The following TANC1 variants were observed in gnomAD, a reference collection of about 807,000 sequenced individuals.
The protein encoded by TANC1 is protein TANC1.
In TANC1, 77 loss-of-function variants were observed where a neutral mutation model predicts 149.7. The observed-to-expected ratio is 0.51, with a 90% CI of 0.43 to 0.62. TANC1 has a LOEUF of 0.62. Ranked by LOEUF, TANC1 falls within the 20% of genes least tolerant of loss-of-function variation. TANC1 has a pLI of 0.00. For missense variants in TANC1, 1,985 were observed against 2,321.8 expected, an observed-to-expected ratio of 0.85 and a Z score of 2.98; for synonymous variants, 854 against 925.0, an observed-to-expected ratio of 0.92 and a Z score of 1.39.
chr2:159,026,618 G>A (rs1045425238), intron 2 of TANC1, among the ~76,000 whole-genome samples: 32 of 152,306 alleles, frequency 2.1e-4, no homozygotes, highest in Middle Eastern at 3.4e-3. Context: ...CCTTCTTGCT[G>A]GTAGGGACTC....
At chr2:159,192,198 A>C (rs2057496259) in intron 16 of TANC1, among the ~76,000 whole-genome samples, 1 of 152,216 alleles carries the variant, frequency 6.6e-6, no homozygotes, top group Non-Finnish European at 1.5e-5. Context: ...GCGGACAATC[A>C]TGGCACATGT....
At chr2:159,094,788 G>A (rs113109390) in intron 3 of TANC1, among the ~76,000 whole-genome samples, 93 of 143,778 alleles carry the variant, frequency 6.5e-4, no homozygotes, top group African/African-American at 2.2e-3. Flanking sequence ...GGGGGGGTGG[G>A]GGCCAGCCTG....
In TANC1 at chr2:159,131,399, C is replaced by G. The variant is rs73969458; in HGVS notation, c.260-4795C>G. On this transcript the variant is annotated intron_variant, in intron 4 of 26. Coordinates refer to ENST00000263635, the MANE Select transcript of TANC1 (RefSeq NM_033394.3). ...CTGGGATTGGGGGGTCTCACTTTTC[C>G]TTCAGTAGTTTTCAACCAGCCACAC... 6.6e-3 allele frequency among the ~76,000 whole-genome samples: 1,003 copies of G among 152,088 alleles called. 9 individuals carry two copies. Among genetic ancestry groups the G allele is most frequent in the African/African-American group, 0.023 (949 of 41,482 alleles).
At chr2:159,035,587 ACAC>A (rs1261134296) in intron 2 of TANC1, among the ~76,000 whole-genome samples, 5 of 152,172 alleles carry the variant, frequency 3.3e-5, no homozygotes, top group African/African-American at 1.2e-4. Flanking sequence ...AACCTCTCAA[ACAC>A]CACTCAGTTT....
intron 2 of TANC1, among the ~76,000 whole-genome samples, chr2:159,003,777 G>C (rs2036852660): frequency 6.6e-6 from 1 of 152,188 alleles, no homozygotes; most frequent in Non-Finnish European, 1.5e-5. Flanking sequence ...TCTCGGCTGA[G>C]GCAGCCATCT....
At chr2:159,181,937 A>T (rs1333326207) in intron 14 of TANC1, among the ~76,000 whole-genome samples, 2 of 152,168 alleles carry the variant, frequency 1.3e-5, no homozygotes, top group Admixed American at 6.5e-5. Flanking sequence ...GCGGTGGCTT[A>T]CGTGCGTAAT....
At chr2:159,181,938 C>T (rs573070999) in intron 14 of TANC1, among the ~76,000 whole-genome samples, 10 of 152,184 alleles carry the variant, frequency 6.6e-5, no homozygotes, top group South Asian at 4.1e-4. Context: ...CGGTGGCTTA[C>T]GTGCGTAATC....
chr2:159,021,918 A>G lies in TANC1; in HGVS notation c.-16+20729A>G, dbSNP rs372129789. On this transcript the variant is annotated intron_variant, in intron 2 of 26. Transcript: ENST00000263635. ...GGAAGAATGGAGAAATCTCAGGGAC[A>G]TGTAAAGTCCCATTTAAAAAATTAA... Among the ~76,000 whole-genome samples the G allele has an allele frequency of 1.1e-4, 16 of 152,348 alleles. No individual in the cohort carries two copies. In the East Asian group the frequency reaches 2.9e-3, roughly 28 times the overall value.
intron 5 of TANC1, chr2:159,147,891 T>C (rs909816611): frequency 1.5e-4 from 23 of 152,156 alleles, no homozygotes; most frequent in African/African-American, 5.5e-4. Flanking sequence ...GGTGCATGAC[T>C]TGCAAAACTG....
At chr2:159,203,804 T>C (rs889308281) in intron 19 of TANC1, among the ~76,000 whole-genome samples, 1 of 151,152 alleles carries the variant, frequency 6.6e-6, no homozygotes, top group Admixed American at 6.6e-5. Context: ...CTCAAACCCC[T>C]GGGCTCAAGC....
intron 3 of TANC1, among the ~76,000 whole-genome samples, chr2:159,081,091 G>A (rs1278863662): frequency 6.6e-6 from 1 of 152,200 alleles, no homozygotes. Flanking sequence ...CTAGTCCATA[G>A]CATGGCCTTA....
At chr2:159,128,723 C>CT (rs1199920882) in intron 4 of TANC1, among the ~76,000 whole-genome samples, 2 of 152,122 alleles carry the variant, frequency 1.3e-5, no homozygotes, top group African/African-American at 2.4e-5. Context: ...AAGTCATCAT[C>CT]TTTTTTCAGT....
chr2:159,096,241 G>A (rs2046116149), intron 3 of TANC1, among the ~76,000 whole-genome samples: 1 of 151,208 alleles, frequency 6.6e-6, no homozygotes, highest in African/African-American at 2.4e-5. Context: ...TGATTGGTGG[G>A]AAGAAGCAGT....
chr2:159,083,952 T>C (rs548926555), intron 3 of TANC1, among the ~76,000 whole-genome samples: 1 of 149,646 alleles, frequency 6.7e-6, no homozygotes, highest in Admixed American at 6.6e-5. Context: ...AAATAAGATA[T>C]AGAAAAATGC....
intron 8 of TANC1, among the ~76,000 whole-genome samples, chr2:159,166,611 G>A (rs188269946): frequency 3.7e-4 from 56 of 152,272 alleles, no homozygotes; most frequent in African/African-American, 1.0e-3. Context: ...TTTTGAAAGC[G>A]TTTATGGGTA....
intron 19 of TANC1, among the ~76,000 whole-genome samples, chr2:159,213,803 G>A (rs1223204040): frequency 3.9e-5 from 6 of 152,072 alleles, no homozygotes; most frequent in Non-Finnish European, 8.8e-5. Context: ...GGCACCCATG[G>A]TAATGCGCTG....
intron 1 of TANC1, among the ~76,000 whole-genome samples, chr2:158,973,929 A>G (rs2033269376): frequency 1.3e-5 from 2 of 152,200 alleles, no homozygotes; most frequent in South Asian, 2.1e-4. Context: ...ATTCCCATGT[A>G]ACCCATTACA....
In TANC1 at chr2:159,172,085, T is replaced by C. The variant is rs2055318836; in HGVS notation, c.1352-36T>C. 4 of 1,598,626 alleles carry C rather than the reference T, an allele frequency of 2.5e-6. No individual in the cohort carries two copies. The East Asian group carries it at 8.9e-5, about 36-fold the overall frequency. The stretch of plus-strand genomic sequence containing the variant: ...ATTCAATACCACACCCTGCTCCTAC[T>C]GTGATGTACATAATGAAATGGGTCT... On this transcript the variant is annotated intron_variant, in intron 10 of 26. Transcript: ENST00000263635.
intron 2 of TANC1, among the ~76,000 whole-genome samples, chr2:159,037,693 T>G (rs1021913384): frequency 2.6e-5 from 4 of 152,204 alleles, no homozygotes; most frequent in African/African-American, 9.7e-5. Flanking sequence ...CTGAGGCCTC[T>G]GTTCTGTTCC....
Sources: gnomAD v4.1 joint callset for allele counts (sites outside exome capture counted in the v4.1 genomes callset) on GRCh38, gnomAD v4.1.1 for gene constraint, MANE v1.5 for transcripts, NCBI Gene and HGNC (gene_info 2026-07-23, HGNC 2026-07-21) for gene names.